The following HUNK variants were observed in gnomAD, a reference collection of about 807,000 sequenced individuals.
HUNK encodes hormonally up-regulated neu tumor-associated kinase.
In HUNK, 21 loss-of-function variants were observed where a neutral mutation model predicts 61.0. The ratio of observed to expected loss-of-function variants is 0.34; its 90% CI spans 0.24 to 0.50. The LOEUF (loss-of-function observed/expected upper bound fraction) is 0.50, where lower values mean the gene tolerates loss of function less well. Ranked by LOEUF, HUNK falls within the 20% of genes least tolerant of loss-of-function variation. The probability of loss-of-function intolerance (pLI) is 0.98; values close to 1 mark genes in which losing one functional copy is unlikely to be tolerated. For synonymous variants in HUNK, 371 were observed against 386.1 expected (o/e 0.96, Z 0.46); for missense variants, 772 against 945.7 (o/e 0.82, Z 2.41).
At chr21:31,938,536 G>C (rs2052747169) in intron 2 of HUNK, among the ~76,000 whole-genome samples, 2 of 152,226 alleles carry the variant, frequency 1.3e-5, no homozygotes, top group African/African-American at 4.8e-5. Context: ...GCCAGTCCTA[G>C]CTATCGCTCC....
Position 31,998,999 on chromosome 21 carries a change from C to T in HUNK, c.1960C>T (p.Pro654Ser), listed in dbSNP as rs1321004727. The T allele has an allele frequency of 1.9e-6, 3 of 1,614,178 alleles. No individual in the cohort carries two copies. Among genetic ancestry groups the T allele is most frequent in the Non-Finnish European group, 2.5e-6 (3 of 1,180,030 alleles). ...TGGCCCCATGCAGCCTCTGGGGAGC[C>T]CCAATTGTGTGAAAAGCCGAGGCCG... is the stretch of plus-strand genomic sequence containing the variant. The part of the protein sequence containing the change: ...SNGPMQPLGS[P>S]NCVKSRGRFP... Residue 654 changes from proline to serine, a missense_variant, in exon 11 of 11, where the codon CCC becomes TCC. This residue lies in a region of HUNK where 413 missense variants were observed against 444.4 expected (regional missense o/e 0.93). Transcript: ENST00000270112.
chr21:31,957,706 C>G lies in HUNK; in HGVS notation c.747-1137C>G, dbSNP rs556854991. On this transcript the variant is annotated intron_variant, in intron 4 of 10. Transcript: ENST00000270112. ...ATAAAGATCCTCTAAGAAGATGTTTCTATTCTGTAGATTGGCTTTGGATAG... is the reference window on the plus strand; with the variant it reads ...ATAAAGATCCTCTAAGAAGATGTTTGTATTCTGTAGATTGGCTTTGGATAG... 2.6e-5 allele frequency among the ~76,000 whole-genome samples: 4 copies of G among 152,252 alleles called. No individual in the cohort carries two copies. In the South Asian group the frequency reaches 8.3e-4, roughly 32 times the overall value.
rs536323004 is a variant in HUNK, at chr21:31,926,046, G to C, written c.554+1286G>C. On this transcript the variant is annotated intron_variant, in intron 2 of 10. Coordinates refer to ENST00000270112, the MANE Select transcript of HUNK (RefSeq NM_014586.2). ...CAATTCTCCTGTGTCACCCACCCTA[G>C]TAGCTGGGATTACAGGCATGTGCCA... Among the ~76,000 whole-genome samples, 5 of 152,152 alleles carry C rather than the reference G, an allele frequency of 3.3e-5. No individual in the cohort carries two copies. In the South Asian group the frequency reaches 1.0e-3, roughly 32 times the overall value.
chr21:31,931,068 C>CAAAAAAAAA (rs10673838), intron 2 of HUNK, among the ~76,000 whole-genome samples: 8 of 75,132 alleles, frequency 1.1e-4, no homozygotes, highest in South Asian at 6.2e-4. Context: ...AAGACCTAAC[C>CAAAAAAAAA]AAAAAAAAAA....
In HUNK at chr21:31,999,684, G is replaced by A. The variant is rs918674313; in HGVS notation, c.*500G>A. 6.3e-6 allele frequency: 1 copy of A among 159,934 alleles called. No individual in the cohort carries two copies. Among genetic ancestry groups the A allele is most frequent in the African/African-American group, 2.4e-5 (1 of 41,746 alleles). The allele number at this position is 159,934 out of a possible 1,614,324, so 9.9% of individuals were successfully genotyped here. A position where few individuals can be genotyped will look rare whatever the true frequency, so the allele number is the denominator to read the frequency against. On this transcript the variant is annotated 3_prime_UTR_variant, in exon 11 of 11. Transcript: ENST00000270112. ...AGCAGGGATTACCTGAAGGCCAGCAGGAGCCGGGGGCAGGCCCAGGATCCT... is the reference window on the plus strand; with the variant it reads ...AGCAGGGATTACCTGAAGGCCAGCAAGAGCCGGGGGCAGGCCCAGGATCCT...
chr21:31,963,680 G>A (rs937640121), intron 5 of HUNK, among the ~76,000 whole-genome samples: 4 of 152,120 alleles, frequency 2.6e-5, no homozygotes, highest in African/African-American at 4.8e-5. Flanking sequence ...TTGGTGGGGG[G>A]TATATTTTTT....
At chr21:31,971,581 C>G (rs144658456) in intron 6 of HUNK, among the ~76,000 whole-genome samples, 1,802 of 152,152 alleles carry the variant, frequency 0.012, 19 homozygotes, top group African/African-American at 0.035. Context: ...CCCAACATAC[C>G]TAGCCCCAGA....
At chr21:31,936,584 G>A (rs2052734549) in intron 2 of HUNK, among the ~76,000 whole-genome samples, 2 of 152,160 alleles carry the variant, frequency 1.3e-5, no homozygotes, top group African/African-American at 2.4e-5. Context: ...TTTTCTTAGG[G>A]GATGGGAGTT....
chr21:31,926,382 A>G (rs1370559509), intron 2 of HUNK, among the ~76,000 whole-genome samples: 2 of 152,186 alleles, frequency 1.3e-5, no homozygotes, highest in African/African-American at 4.8e-5. Context: ...TTAAAAGTGT[A>G]TAATCTAGTG....
intron 1 of HUNK, among the ~76,000 whole-genome samples, chr21:31,886,176 C>T (rs2052344537): frequency 6.6e-6 from 1 of 152,150 alleles, no homozygotes; most frequent in South Asian, 2.1e-4. Context: ...AATCTTAGCT[C>T]TTTGGGAAGC....
chr21:31,992,912 C>T lies in HUNK; in HGVS notation c.1305+2736C>T, dbSNP rs183767489. The stretch of plus-strand genomic sequence containing the variant: ...GTGGACTGACTCTGAGGTTTGTCCC[C>T]GACAGGGAGCAGGTGGGGTGAATTT... On this transcript the variant is annotated intron_variant, in intron 9 of 10. Transcript: ENST00000270112. Among the ~76,000 whole-genome samples the T allele has an allele frequency of 1.4e-4, 21 of 152,226 alleles. No individual in the cohort carries two copies. In the East Asian group the frequency reaches 3.5e-3, roughly 25 times the overall value.
intron 5 of HUNK, among the ~76,000 whole-genome samples, chr21:31,967,944 A>G (rs2052978716): frequency 6.6e-6 from 1 of 152,178 alleles, no homozygotes; most frequent in Non-Finnish European, 1.5e-5. Flanking sequence ...TTCTTGCTGT[A>G]TCATGTACCA....
intron 7 of HUNK, among the ~76,000 whole-genome samples, chr21:31,979,311 G>T (rs1230783879): frequency 3.3e-5 from 5 of 151,718 alleles, no homozygotes; most frequent in Non-Finnish European, 5.9e-5. Flanking sequence ...TAGAGACGGG[G>T]TTTCACCATG....
chr21:31,953,545 C>T (rs1200089354), intron 4 of HUNK, among the ~76,000 whole-genome samples: 1 of 152,202 alleles, frequency 6.6e-6, no homozygotes, highest in Non-Finnish European at 1.5e-5. Context: ...GGTTTCCACT[C>T]TTATTTGGCA....
chr21:31,942,360 C>G (rs545872920), intron 3 of HUNK, among the ~76,000 whole-genome samples: 20 of 152,158 alleles, frequency 1.3e-4, no homozygotes, highest in Non-Finnish European at 2.6e-4. Context: ...AGTGGTAGCC[C>G]TAGGTGACCA....
intron 1 of HUNK, among the ~76,000 whole-genome samples, chr21:31,882,071 TC>T (rs758331100): frequency 1.8e-4 from 28 of 151,956 alleles, no homozygotes; most frequent in Admixed American, 7.2e-4. Flanking sequence ...AGACCCCCCC[TC>T]CCCCATCACT....
chr21:31,934,498 C>A (rs977155621), intron 2 of HUNK, among the ~76,000 whole-genome samples: 1 of 151,654 alleles, frequency 6.6e-6, no homozygotes, highest in African/African-American at 2.4e-5. Context: ...AGAAATTCAC[C>A]CCTTTTAAAA....
intron 4 of HUNK, among the ~76,000 whole-genome samples, chr21:31,950,988 A>C (rs1189585592): frequency 1.3e-5 from 2 of 152,054 alleles, no homozygotes; most frequent in Non-Finnish European, 2.9e-5. Flanking sequence ...TTGGGAAAGA[A>C]AGCTCTTCCC....
chr21:31,875,862 C>T (rs12106377), intron 1 of HUNK, among the ~76,000 whole-genome samples: 89,873 of 151,702 alleles, frequency 0.59, 28,133 homozygotes, highest in African/African-American at 0.78. Flanking sequence ...TTCTGGCTTC[C>T]CTCCACCTTG....
Sources: gnomAD v4.1 joint callset for allele counts (sites outside exome capture counted in the v4.1 genomes callset) on GRCh38, gnomAD v4.1.1 for gene constraint, gnomAD v4.1.1 regional missense constraint, MANE v1.5 for transcripts, NCBI Gene and HGNC (gene_info 2026-07-23, HGNC 2026-07-21) for gene names.